The following CAMTA1 variants were observed in gnomAD, a reference collection of about 807,000 sequenced individuals.
The protein encoded by CAMTA1 is calmodulin-binding transcription activator 1.
Under a neutral mutation model 170.9 loss-of-function variants are expected in CAMTA1, and 27 were observed. That is an observed-to-expected ratio of 0.16 (90% CI 0.12 to 0.22). CAMTA1 has a LOEUF of 0.22. CAMTA1 is among the 10% of genes least tolerant of loss of function. The pLI is 1.00. For synonymous variants in CAMTA1, 833 were observed against 891.5 expected, an observed-to-expected ratio of 0.93 and a Z score of 1.17; for missense variants, 1,619 against 2,217.2, an observed-to-expected ratio of 0.73 and a Z score of 5.42.
intron 7 of CAMTA1, among the ~76,000 whole-genome samples, chr1:7,654,783 A>G (rs1576624548): frequency 1.4e-5 from 2 of 146,200 alleles, no homozygotes. Context: ...ACACACACCT[A>G]TACCCACACA....
intron 3 of CAMTA1, among the ~76,000 whole-genome samples, chr1:6,832,355 G>GC (rs1412616456): frequency 6.6e-6 from 1 of 152,098 alleles, no homozygotes; most frequent in Non-Finnish European, 1.5e-5. Context: ...GGGATTACAG[G>GC]TGTGAGCCAC....
intron 1 of CAMTA1, among the ~76,000 whole-genome samples, chr1:6,800,472 A>G (rs746026510): frequency 1.3e-5 from 2 of 152,200 alleles, no homozygotes; most frequent in Non-Finnish European, 2.9e-5. Flanking sequence ...AAATGTTCAT[A>G]GTTATTCTGT....
intron 1 of CAMTA1, among the ~76,000 whole-genome samples, chr1:6,787,998 A>C (rs1027788811): frequency 6.6e-6 from 1 of 152,172 alleles, no homozygotes; most frequent in Non-Finnish European, 1.5e-5. Context: ...TGGCCATTTA[A>C]ATAATTGAGA....
intron 3 of CAMTA1, among the ~76,000 whole-genome samples, chr1:6,852,050 T>G (rs1444257954): frequency 6.7e-6 from 1 of 149,270 alleles, no homozygotes; most frequent in Non-Finnish European, 1.5e-5. Flanking sequence ...AAAAACTACG[T>G]ACTACATTGA....
intron 11 of CAMTA1, among the ~76,000 whole-genome samples, chr1:7,699,563 C>G (rs1421467452): frequency 6.6e-6 from 1 of 152,186 alleles, no homozygotes; most frequent in African/African-American, 2.4e-5. Context: ...CACATCATAA[C>G]TTTATAATTA....
At chr1:7,338,596 G>A (rs1004299812) in intron 5 of CAMTA1, among the ~76,000 whole-genome samples, 2 of 152,194 alleles carry the variant, frequency 1.3e-5, no homozygotes, top group Admixed American at 6.5e-5. Flanking sequence ...CTGCCCTCAT[G>A]GAGTGCACAT....
intron 1 of CAMTA1, among the ~76,000 whole-genome samples, chr1:6,791,625 T>C (rs894419687): frequency 2.0e-5 from 3 of 152,228 alleles, no homozygotes; most frequent in African/African-American, 7.2e-5. Context: ...TTGCCTGTTA[T>C]ATATAGTACT....
At chr1:7,392,606 A>G (rs12034231) in intron 5 of CAMTA1, among the ~76,000 whole-genome samples, 151,668 of 151,668 alleles carry the variant, frequency 1, 75,834 homozygotes, top group Non-Finnish European at 1. Context: ...TGGGCGCAAT[A>G]GCTCATGCTG....
At chr1:6,976,730 A>G (rs1382834604) in intron 3 of CAMTA1, among the ~76,000 whole-genome samples, 1 of 152,176 alleles carries the variant, frequency 6.6e-6, no homozygotes, top group Admixed American at 6.5e-5. Flanking sequence ...AATATTCCAG[A>G]CATGTCAGGC....
chr1:7,712,104 C>T (rs902763606), intron 11 of CAMTA1, among the ~76,000 whole-genome samples: 4 of 152,066 alleles, frequency 2.6e-5, no homozygotes, highest in Admixed American at 6.5e-5. Context: ...GAGTGAACCT[C>T]GCATTTATAT....
intron 1 of CAMTA1, among the ~76,000 whole-genome samples, chr1:6,790,362 G>GAA (rs1640715738): frequency 1.4e-5 from 2 of 142,926 alleles, no homozygotes; most frequent in Admixed American, 1.4e-4. Context: ...GAGTGTGAGA[G>GAA]AGAGAGAGAG....
At chr1:7,053,437 G>A (rs752027979) in intron 3 of CAMTA1, among the ~76,000 whole-genome samples, 4 of 152,136 alleles carry the variant, frequency 2.6e-5, no homozygotes, top group Non-Finnish European at 4.4e-5. Flanking sequence ...CTGCCTCTGC[G>A]CCCTTGCTCT....
intron 3 of CAMTA1, among the ~76,000 whole-genome samples, chr1:6,862,267 C>G (rs1664995117): frequency 6.6e-6 from 1 of 152,186 alleles, no homozygotes; most frequent in Admixed American, 6.5e-5. Flanking sequence ...GCCACCACGC[C>G]CAGCCTAGTA....
chr1:7,163,874 G>A (rs545052052), intron 4 of CAMTA1, among the ~76,000 whole-genome samples: 1 of 152,342 alleles, frequency 6.6e-6, no homozygotes, highest in African/African-American at 2.4e-5. Flanking sequence ...TCCTTATCAA[G>A]CTCTACCCTA....
intron 5 of CAMTA1, among the ~76,000 whole-genome samples, chr1:7,350,627 T>C (rs1216927428): frequency 1.3e-5 from 2 of 152,206 alleles, no homozygotes; most frequent in Non-Finnish European, 2.9e-5. Flanking sequence ...TTTTTTTCTT[T>C]TCACTGAGTC....
chr1:6,898,171 A>G (rs902083250), intron 3 of CAMTA1, among the ~76,000 whole-genome samples: 1 of 152,214 alleles, frequency 6.6e-6, no homozygotes, highest in Non-Finnish European at 1.5e-5. Flanking sequence ...TAAAATTGTA[A>G]TGTGTCCTGA....
intron 3 of CAMTA1, among the ~76,000 whole-genome samples, chr1:7,018,205 CG>C (rs996007176): frequency 1.8e-4 from 26 of 144,244 alleles, no homozygotes; most frequent in African/African-American, 6.8e-4. Context: ...ATGGATGGAG[CG>C]GGGGCTTAGG....
chr1:7,596,470 C>CA (rs2095400955), intron 6 of CAMTA1, among the ~76,000 whole-genome samples: 1 of 152,236 alleles, frequency 6.6e-6, no homozygotes, highest in African/African-American at 2.4e-5. Flanking sequence ...GTGCTGGCCG[C>CA]AGGTGCCCAC....
At chr1:7,668,433 C>CACACACACA (rs36054481) in intron 9 of CAMTA1, among the ~76,000 whole-genome samples, 10 of 114,884 alleles carry the variant, frequency 8.7e-5, no homozygotes, top group African/African-American at 3.2e-4. Flanking sequence ...ACACACACAC[C>CACACACACA]CACCACACAC....
Sources: gnomAD v4.1 joint callset for allele counts (sites outside exome capture counted in the v4.1 genomes callset) on GRCh38, gnomAD v4.1.1 for gene constraint, MANE v1.5 for transcripts, NCBI Gene and HGNC (gene_info 2026-07-23, HGNC 2026-07-21) for gene names.